LRRC36: variants seen among roughly 807,000 people sequenced by gnomAD.
LRRC36 encodes leucine-rich repeat-containing protein 36.
LRRC36 carries 62 observed loss-of-function variants against 81.1 expected under a neutral mutation model. That is an observed-to-expected ratio of 0.76 (90% CI 0.62 to 0.94). The LOEUF (loss-of-function observed/expected upper bound fraction) is 0.94. LRRC36 is among the 40% of genes least tolerant of loss of function. The pLI is 0.00. For missense variants in LRRC36, 761 were observed against 881.7 expected (o/e 0.86, Z 1.73); for synonymous variants, 334 against 348.6 (o/e 0.96, Z 0.47).
rs8058996 is a variant in LRRC36, at chr16:67,384,957, G to A, written c.2133G>A (p.Glu711=). 28,027 of 1,614,134 alleles carry A rather than the reference G, an allele frequency of 0.017. 3,826 individuals carry two copies. In the African/African-American group the frequency reaches 0.31, roughly 18 times the overall value. Residue 711 remains glutamate, a synonymous_variant, in exon 14 of 14, where the codon GAG becomes GAA. Transcript: ENST00000329956. ...CCGGGAAAGCGCTCCTGCCTCCTGAGAAGGGTCATCATCTGGGGAGATCAT... is the reference window on the plus strand; with the variant it reads ...CCGGGAAAGCGCTCCTGCCTCCTGAAAAGGGTCATCATCTGGGGAGATCAT... ...GYSGKALLPP[E]KGHHLGRSSP...
chr16:67,346,477 A>G (rs1256620827), intron 3 of LRRC36, 29 bp downstream of exon 3: 2 of 1,449,416 alleles, frequency 1.4e-6, no homozygotes, highest in South Asian at 1.4e-5. Context: ...GTTCCTGTCC[A>G]CAGAATCTTA....
chr16:67,360,989 AT>A (rs1336629090), intron 5 of LRRC36, among the ~76,000 whole-genome samples: 1 of 152,196 alleles, frequency 6.6e-6, no homozygotes, highest in Non-Finnish European at 1.5e-5. Context: ...TAATAAATGT[AT>A]TGATCAAGAG....
chr16:67,327,271 GGGAGGC>G (rs2037233397), intron 1 of LRRC36, among the ~76,000 whole-genome samples: 1 of 152,230 alleles, frequency 6.6e-6, no homozygotes, highest in East Asian at 1.9e-4. Context: ...CCAGCACTTT[GGGAGGC>G]GGAGGCGGGT....
At chr16:67,376,525 G>T (rs947531819) in intron 10 of LRRC36, among the ~76,000 whole-genome samples, 3 of 152,214 alleles carry the variant, frequency 2.0e-5, no homozygotes, top group African/African-American at 4.8e-5. Flanking sequence ...CTCACAAGGG[G>T]CTGCTGTTGT....
intron 7 of LRRC36, among the ~76,000 whole-genome samples, 200 bp downstream of exon 7, chr16:67,365,555 G>A (rs930097864): frequency 6.6e-6 from 1 of 151,868 alleles, no homozygotes; most frequent in Non-Finnish European, 1.5e-5. Flanking sequence ...GACCTCCTTT[G>A]TTCTTGATTT....
chr16:67,333,108 C>T (rs934186622), intron 1 of LRRC36, among the ~76,000 whole-genome samples: 1 of 151,800 alleles, frequency 6.6e-6, no homozygotes, highest in African/African-American at 2.4e-5. Context: ...ATATAATTCA[C>T]ATACTATAAA....
intron 11 of LRRC36, among the ~76,000 whole-genome samples, chr16:67,377,620 C>T (rs2039952902): frequency 6.6e-6 from 1 of 152,016 alleles, no homozygotes; most frequent in African/African-American, 2.4e-5. Flanking sequence ...GCATGAGCCA[C>T]TGCACCTGGC....
At chr16:67,371,341 C>G (rs1276413224) in intron 9 of LRRC36, 99 bp downstream of exon 9, 9 of 1,394,360 alleles carry the variant, frequency 6.5e-6, no homozygotes, top group Non-Finnish European at 9.1e-6. Context: ...ACCAACAGGG[C>G]TAGAAATTCA....
At chr16:67,351,361 T>C (rs760904507) in intron 5 of LRRC36, among the ~76,000 whole-genome samples, 55 of 152,304 alleles carry the variant, frequency 3.6e-4, no homozygotes, top group Middle Eastern at 3.4e-3. Flanking sequence ...TATTTTATTT[T>C]CTTGATTTCT....
chr16:67,379,588 G>T (rs566816875), intron 12 of LRRC36, among the ~76,000 whole-genome samples: 1 of 152,174 alleles, frequency 6.6e-6, no homozygotes, highest in Non-Finnish European at 1.5e-5. Context: ...GTGGTGGCAA[G>T]TCCCTGTAAT....
At chr16:67,363,131 G>T (rs1338484079) in intron 5 of LRRC36, among the ~76,000 whole-genome samples, 1 of 152,146 alleles carries the variant, frequency 6.6e-6, no homozygotes, top group African/African-American at 2.4e-5. Context: ...AAAAAGGCTA[G>T]TTTGAAATGG....
intron 13 of LRRC36, among the ~76,000 whole-genome samples, chr16:67,382,503 G>A (rs566336881): frequency 6.6e-6 from 1 of 152,284 alleles, no homozygotes; most frequent in South Asian, 2.1e-4. Flanking sequence ...GATCTGATGG[G>A]ACCTTTGTTT....
chr16:67,362,802 G>T (rs962051387), intron 5 of LRRC36, among the ~76,000 whole-genome samples: 2 of 151,794 alleles, frequency 1.3e-5, no homozygotes, highest in African/African-American at 4.8e-5. Context: ...TATTGAGATA[G>T]AGTCTCACTG....
At chr16:67,337,470 G>C (rs2037819070) in intron 1 of LRRC36, among the ~76,000 whole-genome samples, 1 of 149,598 alleles carries the variant, frequency 6.7e-6, no homozygotes, top group Non-Finnish European at 1.5e-5. Flanking sequence ...TGATTCTCTT[G>C]CCTCAGCCTT....
intron 5 of LRRC36, among the ~76,000 whole-genome samples, chr16:67,359,155 C>A (rs1597468428): frequency 6.6e-6 from 1 of 152,146 alleles, no homozygotes; most frequent in Non-Finnish European, 1.5e-5. Flanking sequence ...TTTGATCCAG[C>A]AATTCCACTC....
intron 5 of LRRC36, among the ~76,000 whole-genome samples, chr16:67,353,806 AT>A (rs1442260865): frequency 6.6e-6 from 1 of 152,228 alleles, no homozygotes; most frequent in African/African-American, 2.4e-5. Flanking sequence ...TGCCCTAGTT[AT>A]GCAGTAAGTG....
At chr16:67,331,317 T>A (rs1597416048) in intron 1 of LRRC36, among the ~76,000 whole-genome samples, 1 of 152,002 alleles carries the variant, frequency 6.6e-6, no homozygotes, top group Non-Finnish European at 1.5e-5. Context: ...TGAGGCCAGG[T>A]ATTTGAGACC....
At chr16:67,361,768 T>A (rs1301500744) in intron 5 of LRRC36, among the ~76,000 whole-genome samples, 2 of 152,170 alleles carry the variant, frequency 1.3e-5, no homozygotes, top group Non-Finnish European at 2.9e-5. Context: ...AGTTTCACCA[T>A]GTTGGCCACG....
intron 5 of LRRC36, among the ~76,000 whole-genome samples, chr16:67,356,198 A>G (rs2038897159): frequency 6.6e-6 from 1 of 152,184 alleles, no homozygotes; most frequent in Non-Finnish European, 1.5e-5. Flanking sequence ...ATAACAAGGA[A>G]AAATCCACCA....
Sources: allele counts gnomAD v4.1 joint callset (sites outside exome capture counted in the v4.1 genomes callset), GRCh38; gene constraint gnomAD v4.1.1; transcripts MANE v1.5; gene names NCBI Gene and HGNC (gene_info 2026-07-23, HGNC 2026-07-21).